The following ARHGEF4 variants were observed in gnomAD, a reference collection of about 807,000 sequenced individuals.
ARHGEF4 encodes the protein Rho guanine nucleotide exchange factor 4, also known as APC-stimulated guanine nucleotide exchange factor 1.
A neutral mutation model predicts 162.0 loss-of-function variants in ARHGEF4; 119 were observed. The ratio of observed to expected loss-of-function variants is 0.73; its 90% CI spans 0.63 to 0.86. The LOEUF (loss-of-function observed/expected upper bound fraction) is 0.86, where lower values mean the gene tolerates loss of function less well. Among genes scored for constraint, ARHGEF4 ranks in the 40% least tolerant of loss-of-function variants. The pLI is 0.00. For missense variants in ARHGEF4, 2,488 were observed against 2,456.0 expected, an observed-to-expected ratio of 1.01 and a Z score of -0.28; for synonymous variants, 1,014 against 979.9, an observed-to-expected ratio of 1.03 and a Z score of -0.65.
At chr2:130,976,860 G>T (rs1002020145) in intron 4 of ARHGEF4, among the ~76,000 whole-genome samples, 2 of 152,114 alleles carry the variant, frequency 1.3e-5, no homozygotes, top group Non-Finnish European at 2.9e-5. Flanking sequence ...TTTGTGGTGT[G>T]TGTCTGGTGT....
At chr2:130,872,177 A>G (rs139141360) in intron 1 of ARHGEF4, among the ~76,000 whole-genome samples, 5 of 152,314 alleles carry the variant, frequency 3.3e-5, no homozygotes, top group Non-Finnish European at 7.3e-5. Flanking sequence ...GCAGTTGGCC[A>G]TGTTGATAAA....
chr2:130,928,527 A>G (rs1682443001), intron 2 of ARHGEF4, among the ~76,000 whole-genome samples: 1 of 152,168 alleles, frequency 6.6e-6, no homozygotes, highest in Admixed American at 6.5e-5. Context: ...GGGAAGGAGA[A>G]ATGGAAAGGG....
At chr2:131,037,063 C>G (rs1441531725) in intron 5 of ARHGEF4, among the ~76,000 whole-genome samples, 2 of 152,148 alleles carry the variant, frequency 1.3e-5, no homozygotes, top group Non-Finnish European at 2.9e-5. Flanking sequence ...GCAGTGGCCC[C>G]CTGTGGAAGC....
At chr2:131,002,989 A>G (rs924037242) in intron 4 of ARHGEF4, among the ~76,000 whole-genome samples, 7 of 152,166 alleles carry the variant, frequency 4.6e-5, no homozygotes, top group African/African-American at 1.7e-4. Context: ...TGCTGAATAG[A>G]TATTTTTGCA....
intron 1 of ARHGEF4, among the ~76,000 whole-genome samples, chr2:130,912,892 A>G (rs891160996): frequency 6.6e-6 from 1 of 152,176 alleles, no homozygotes; most frequent in African/African-American, 2.4e-5. Flanking sequence ...CAGTGCAATA[A>G]GATATTTTGA....
intron 1 of ARHGEF4, among the ~76,000 whole-genome samples, 159 bp downstream of exon 1, chr2:130,837,151 G>T (rs1680250873): frequency 6.6e-6 from 1 of 152,102 alleles, no homozygotes. Context: ...ACTTTCCGAC[G>T]TGCAGACCGG....
intron 3 of ARHGEF4, 102 bp from the exon 4 acceptor site, chr2:130,946,407 C>A: frequency 7.0e-7 from 1 of 1,432,320 alleles, no homozygotes; most frequent in Non-Finnish European, 9.4e-7. Flanking sequence ...GTGCTCTGTT[C>A]ACAATGAAAA....
intron 1 of ARHGEF4, among the ~76,000 whole-genome samples, chr2:130,856,650 C>A (rs560621688): frequency 6.6e-6 from 1 of 152,092 alleles, no homozygotes; most frequent in South Asian, 2.1e-4. Flanking sequence ...GAAAATAATC[C>A]ATGTATCATT....
At chr2:130,926,700 C>T (rs1559044231) in intron 2 of ARHGEF4, among the ~76,000 whole-genome samples, 2 of 151,250 alleles carry the variant, frequency 1.3e-5, no homozygotes, top group Non-Finnish European at 2.9e-5. Context: ...CAAGCTTGCA[C>T]CGATAGCTTG....
intron 1 of ARHGEF4, among the ~76,000 whole-genome samples, chr2:130,843,698 C>A (rs1364587978): frequency 6.6e-6 from 1 of 152,218 alleles, no homozygotes; most frequent in Non-Finnish European, 1.5e-5. Flanking sequence ...TTCTCAAGCA[C>A]CCCCTGCTTG....
Position 130,915,340 on chromosome 2 carries a change from G to A in ARHGEF4, c.1394G>A (p.Ser465Asn), listed in dbSNP as rs1469402673. Residue 465 changes from serine to asparagine, a missense_variant, in exon 2 of 14, where the codon AGC becomes AAC. Transcript: ENST00000409359. Reference sequence around the variant, plus strand: ...CCCGCTGAGTGCAAGTCAGAGCAAAGCCCAGAAAGCAGAACCCAGGAACCC... The same window carrying A: ...CCCGCTGAGTGCAAGTCAGAGCAAAACCCAGAAAGCAGAACCCAGGAACCC... The part of the protein sequence containing the change: ...PEPAECKSEQ[S>N]PESRTQEPQG... 1 of 1,550,710 alleles carries A rather than the reference G, an allele frequency of 6.4e-7. No individual in the cohort carries two copies. Among genetic ancestry groups the A allele is most frequent in the African/African-American group, 1.4e-5 (1 of 73,170 alleles).
chr2:130,874,394 C>T (rs1200260485), intron 1 of ARHGEF4, among the ~76,000 whole-genome samples: 2 of 152,348 alleles, frequency 1.3e-5, no homozygotes, highest in East Asian at 1.9e-4. Flanking sequence ...CCAGGCCCTC[C>T]TCAGGCCCAC....
chr2:130,992,517 C>T (rs947474635), intron 4 of ARHGEF4, among the ~76,000 whole-genome samples: 2 of 151,986 alleles, frequency 1.3e-5, no homozygotes, highest in Non-Finnish European at 2.9e-5. Context: ...TGCAGCTTCA[C>T]TCCTGAGCCA....
At chr2:130,989,460 A>G (rs1194272080) in intron 4 of ARHGEF4, among the ~76,000 whole-genome samples, 2 of 152,212 alleles carry the variant, frequency 1.3e-5, no homozygotes, top group African/African-American at 4.8e-5. Context: ...TTAGGAAAAT[A>G]TACAATATCA....
chr2:130,997,472 G>A (rs1687473020), intron 4 of ARHGEF4, among the ~76,000 whole-genome samples: 2 of 152,064 alleles, frequency 1.3e-5, no homozygotes, highest in Non-Finnish European at 2.9e-5. Context: ...TACAGCATAA[G>A]CAAGATCTCT....
At chr2:131,014,531 C>A (rs990705297) in intron 4 of ARHGEF4, among the ~76,000 whole-genome samples, 1 of 152,170 alleles carries the variant, frequency 6.6e-6, no homozygotes, top group Admixed American at 6.5e-5. Context: ...TCCAGTTGAG[C>A]CCTCCAATCC....
At chr2:130,872,446 C>A (rs573404382) in intron 1 of ARHGEF4, among the ~76,000 whole-genome samples, 3 of 152,064 alleles carry the variant, frequency 2.0e-5, no homozygotes, top group Non-Finnish European at 4.4e-5. Context: ...AAAGCAGGGT[C>A]CCCCCAGGCC....
intron 2 of ARHGEF4, among the ~76,000 whole-genome samples, chr2:130,919,410 C>T (rs1249204259): frequency 6.6e-6 from 1 of 152,166 alleles, no homozygotes; most frequent in African/African-American, 2.4e-5. Flanking sequence ...GTGCCCATTT[C>T]CTCACACCCC....
chr2:130,914,213 C>T lies in ARHGEF4; in HGVS notation c.267C>T (p.Phe89=). ...SLSGYLPRGV[F]HPLRGTPVDI... ...CTGGGTACCTCCCGAGGGGAGTCTTCCACCCTCTAAGAGGTACTCCCGTAG... is the reference window on the plus strand; with the variant it reads ...CTGGGTACCTCCCGAGGGGAGTCTTTCACCCTCTAAGAGGTACTCCCGTAG... Residue 89 remains phenylalanine, a synonymous_variant, in exon 2 of 14, where the codon TTC becomes TTT. Transcript: ENST00000409359. 6.5e-7 allele frequency: 1 copy of T among 1,536,084 alleles called. No individual in the cohort carries two copies. The highest frequency in any genetic ancestry group is 8.7e-7 in the Non-Finnish European group (1 of 1,146,896).
Sources: allele counts gnomAD v4.1 joint callset (sites outside exome capture counted in the v4.1 genomes callset), GRCh38; gene constraint gnomAD v4.1.1; transcripts MANE v1.5; gene names NCBI Gene and HGNC (gene_info 2026-07-23, HGNC 2026-07-21).